Variants in DOCK1 observed in about 807,000 individuals in gnomAD.
DOCK1 encodes the protein dedicator of cytokinesis 1.
DOCK1 carries 138 observed loss-of-function variants against 262.7 expected under a neutral mutation model. That is an observed-to-expected ratio of 0.53 (90% CI 0.46 to 0.61). The LOEUF (loss-of-function observed/expected upper bound fraction) is 0.61, where lower values mean the gene tolerates loss of function less well. DOCK1 is among the 20% of genes least tolerant of loss of function. DOCK1 has a pLI of 0.00. For synonymous variants in DOCK1, 866 were observed against 867.4 expected (o/e 1.00, Z 0.03); for missense variants, 1,908 against 2,370.7 (o/e 0.80, Z 4.05).
chr10:127,247,751 C>T (rs949679629), intron 27 of DOCK1, among the ~76,000 whole-genome samples: 1 of 152,186 alleles, frequency 6.6e-6, no homozygotes, highest in Non-Finnish European at 1.5e-5. Context: ...GTGAGACCCC[C>T]TCAAGGGTTT....
intron 27 of DOCK1, chr10:127,136,102 G>A (rs1002696435): frequency 6.6e-6 from 1 of 152,382 alleles, no homozygotes; most frequent in East Asian, 1.9e-4. Context: ...CAGAGGATGT[G>A]TGTGTGCACA....
At chr10:127,052,264 C>T (rs967007054) in intron 21 of DOCK1, among the ~76,000 whole-genome samples, 1 of 152,190 alleles carries the variant, frequency 6.6e-6, no homozygotes, top group Admixed American at 6.5e-5. Flanking sequence ...GTGGCTTACG[C>T]CTATGATCCT....
intron 27 of DOCK1, among the ~76,000 whole-genome samples, chr10:127,214,924 T>G (rs944568684): frequency 2.6e-5 from 4 of 152,190 alleles, no homozygotes; most frequent in African/African-American, 9.7e-5. Flanking sequence ...TTCTATGTGA[T>G]GGAATATGGT....
intron 49 of DOCK1, among the ~76,000 whole-genome samples, chr10:127,439,763 G>A (rs766053748): frequency 7.2e-5 from 11 of 152,200 alleles, no homozygotes; most frequent in East Asian, 1.9e-4. Context: ...TCTCCTGGCC[G>A]TCTTTCACAA....
At chr10:127,247,078 C>T (rs1351516505) in intron 27 of DOCK1, among the ~76,000 whole-genome samples, 2 of 152,184 alleles carry the variant, frequency 1.3e-5, no homozygotes, top group African/African-American at 4.8e-5. Context: ...GGCAACAGAA[C>T]TGCCTAGCTC....
chr10:127,439,270 G>A (rs2069911731), intron 49 of DOCK1, 45 bp downstream of exon 49: 3 of 1,565,762 alleles, frequency 1.9e-6, no homozygotes, highest in Non-Finnish European at 8.7e-7. Flanking sequence ...TAGCTTCAGG[G>A]ACCTACCTTT....
At chr10:127,388,660 A>G (rs2148379) in intron 38 of DOCK1, among the ~76,000 whole-genome samples, 121,472 of 152,182 alleles carry the variant, frequency 0.8, 48,544 homozygotes, top group African/African-American at 0.84. Flanking sequence ...CGGAACCCAG[A>G]TGAACAGAGG....
At chr10:127,013,245 A>T (rs1355250394) in intron 12 of DOCK1, among the ~76,000 whole-genome samples, 1 of 151,840 alleles carries the variant, frequency 6.6e-6, no homozygotes, top group Non-Finnish European at 1.5e-5. Flanking sequence ...CAGGACAAAA[A>T]CCCCAACCCA....
At chr10:127,122,356 A>G (rs1452653489) in intron 25 of DOCK1, among the ~76,000 whole-genome samples, 1 of 152,076 alleles carries the variant, frequency 6.6e-6, no homozygotes, top group Non-Finnish European at 1.5e-5. Flanking sequence ...TTAGGGAAAG[A>G]GCCTCGTTGC....
intron 27 of DOCK1, among the ~76,000 whole-genome samples, chr10:127,197,228 C>G (rs1771387825): frequency 6.6e-6 from 1 of 152,144 alleles, no homozygotes; most frequent in Non-Finnish European, 1.5e-5. Context: ...ACTGCCACTC[C>G]TAGCCAGGAA....
At chr10:127,431,182 C>T (rs1218759499) in intron 47 of DOCK1, among the ~76,000 whole-genome samples, 1 of 152,220 alleles carries the variant, frequency 6.6e-6, no homozygotes, top group Non-Finnish European at 1.5e-5. Context: ...TACCCACCAG[C>T]CCTACTTTCA....
intron 27 of DOCK1, among the ~76,000 whole-genome samples, chr10:127,151,983 T>C (rs2052536474): frequency 1.3e-5 from 2 of 149,682 alleles, no homozygotes; most frequent in South Asian, 4.3e-4. Context: ...TCATTTAAAT[T>C]ATTTCAGTTA....
At chr10:126,948,510 GC>G (rs1481889283) in intron 1 of DOCK1, among the ~76,000 whole-genome samples, 1 of 151,870 alleles carries the variant, frequency 6.6e-6, no homozygotes, top group Non-Finnish European at 1.5e-5. Context: ...ATACTGTCCA[GC>G]CGGGCCTTTT....
Position 126,997,933 on chromosome 10 carries a change from T to G in DOCK1, c.610-159T>G. On this transcript the variant is annotated intron_variant, in intron 7 of 51. Transcript: ENST00000623213. ...TTTGTCTGTTGTGTGAATGCATGAT[T>G]TAAGAATGTGCAGGGGAGATAAGAA... The G allele has an allele frequency of 4.5e-6, 4 of 895,246 alleles. 1 individual carries two copies. In the South Asian group the frequency reaches 7.5e-5, roughly 17 times the overall value. 55.5% of individuals were successfully genotyped at this position (895,246 alleles called of 1,614,324 possible). A position where few individuals can be genotyped will look rare whatever the true frequency, so the allele number is the denominator to read the frequency against.
intron 50 of DOCK1, 21 bp from the exon 51 acceptor site, chr10:127,447,373 A>T (rs1414491766): frequency 6.2e-7 from 1 of 1,607,016 alleles, no homozygotes; most frequent in South Asian, 1.1e-5. Context: ...GGCTGATTTT[A>T]AATAGATCCC....
chr10:126,925,379 C>T (rs984989482), intron 1 of DOCK1, among the ~76,000 whole-genome samples: 1 of 152,096 alleles, frequency 6.6e-6, no homozygotes, highest in African/African-American at 2.4e-5. Flanking sequence ...CTCATGTGAA[C>T]ATTTTTGTTT....
At chr10:127,000,462 G>T in intron 10 of DOCK1, 155 bp downstream of exon 10, 1 of 1,159,114 alleles carries the variant, frequency 8.6e-7, no homozygotes, top group Non-Finnish European at 1.2e-6. Context: ...TTTTCATTGT[G>T]GCTTCAAGTT....
chr10:127,429,059 GTGTGGATTGGGGTACCA>G (rs1454092666), intron 47 of DOCK1, among the ~76,000 whole-genome samples: 8 of 140,080 alleles, frequency 5.7e-5, no homozygotes, highest in East Asian at 2.1e-4. Context: ...TTGGGGTGCT[GTGTGGATTGGGGTACCA>G]TGTGGATTGG....
At chr10:127,304,980 C>G (rs761094892) in intron 29 of DOCK1, among the ~76,000 whole-genome samples, 2 of 152,198 alleles carry the variant, frequency 1.3e-5, no homozygotes, top group East Asian at 3.9e-4. Context: ...TTATGTAAGT[C>G]CAATGCTTCT....
Sources: allele counts gnomAD v4.1 joint callset (sites outside exome capture counted in the v4.1 genomes callset), GRCh38; gene constraint gnomAD v4.1.1; transcripts MANE v1.5; gene names NCBI Gene and HGNC (gene_info 2026-07-23, HGNC 2026-07-21).